The following OIT3 variants were observed in gnomAD, a reference collection of about 807,000 sequenced individuals.
The protein encoded by OIT3 is oncoprotein induced transcript 3, also known as oncoprotein-induced transcript 3 protein.
Under a neutral mutation model 52.2 loss-of-function variants are expected in OIT3, and 41 were observed. That is an observed-to-expected ratio of 0.79 (90% CI 0.61 to 1.02). OIT3 has a LOEUF of 1.02. OIT3 is among the 50% of genes least tolerant of loss of function. OIT3 has a pLI of 0.00. For missense variants in OIT3, 634 were observed against 715.5 expected, an observed-to-expected ratio of 0.89 and a Z score of 1.30; for synonymous variants, 244 against 276.9, an observed-to-expected ratio of 0.88 and a Z score of 1.18.
At chr10:72,929,694 A>G (rs2132951442) in intron 7 of OIT3, among the ~76,000 whole-genome samples, 1 of 151,522 alleles carries the variant, frequency 6.6e-6, no homozygotes, top group South Asian at 2.1e-4. Context: ...GGCAGGCACC[A>G]TGACGCCTGG....
At chr10:72,930,224 C>T (rs111721318) in intron 7 of OIT3, among the ~76,000 whole-genome samples, 2,271 of 152,262 alleles carry the variant, frequency 0.015, 58 homozygotes, top group African/African-American at 0.052. Context: ...GACAGCCTTA[C>T]TAGCAAAAGG....
rs769895887 is a variant in OIT3 at position 72,913,300 on chromosome 10, C to T, written c.791-8C>T. On this transcript the variant is annotated splice_region_variant and splice_polypyrimidine_tract_variant and intron_variant, in intron 5 of 8. Transcript: ENST00000334011. ...CCTGGCTCTAACAGTGGCCCTTTTT[C>T]TCTGCAGTCCCTGTGTTGTGCAAAT... The T allele has an allele frequency of 1.9e-6, 3 of 1,561,990 alleles. No homozygotes were observed. The highest frequency in any genetic ancestry group is 1.8e-5 in the Admixed American group (1 of 55,916).
intron 7 of OIT3, among the ~76,000 whole-genome samples, 186 bp from the exon 8 acceptor site, chr10:72,930,352 A>G (rs1257968121): frequency 1.3e-5 from 2 of 152,226 alleles, no homozygotes; most frequent in African/African-American, 2.4e-5. Context: ...CTATTAGTAA[A>G]TAAGGCTAGG....
Position 72,898,790 on chromosome 10 carries a change from C to T in OIT3, c.188C>T (p.Thr63Met), listed in dbSNP as rs867661582. The T allele has an allele frequency of 5.6e-6, 9 of 1,614,010 alleles. No homozygotes were observed. The highest frequency in any genetic ancestry group is 5.0e-5 in the Admixed American group (3 of 60,004). ...GTGAATGGGGAGTGGTACCACTTCA[C>T]GGGCATGGCGGGAGATGCCATGCCT... The part of the protein sequence containing the change: ...NHVNGEWYHF[T>M]GMAGDAMPTF... Residue 63 changes from threonine (T) to methionine (M), a missense_variant, in exon 2 of 9, where the codon ACG (threonine) becomes ATG (methionine). Coordinates refer to ENST00000334011, the MANE Select transcript of OIT3 (RefSeq NM_152635.3).
At chr10:72,917,739 A>C in intron 6 of OIT3, 1 of 1,173,188 alleles carries the variant, frequency 8.5e-7, no homozygotes, top group Non-Finnish European at 1.3e-6. Context: ...CACTTTGGGA[A>C]GAGAATCACC....
intron 8 of OIT3, among the ~76,000 whole-genome samples, chr10:72,931,251 A>C (rs567368723): frequency 2.6e-3 from 401 of 152,294 alleles, no homozygotes; most frequent in Non-Finnish European, 5.0e-3. Flanking sequence ...AAAACAAAAC[A>C]AAACAGAGGC....
intron 7 of OIT3, among the ~76,000 whole-genome samples, chr10:72,929,614 C>A (rs1022830271): frequency 1.3e-5 from 2 of 151,724 alleles, no homozygotes; most frequent in African/African-American, 4.8e-5. Context: ...GCTATGTTGC[C>A]CAGGCTAATC....
chr10:72,899,189 A>G, intron 2 of OIT3, 151 bp downstream of exon 2: 1 of 666,734 alleles, frequency 1.5e-6, no homozygotes, highest in Non-Finnish European at 2.5e-6. Context: ...GATTTCTGAG[A>G]TCTCTTCTTA....
chr10:72,917,873 T>G (rs907663732), intron 6 of OIT3: 1 of 1,285,336 alleles, frequency 7.8e-7, no homozygotes, highest in African/African-American at 1.5e-5. Flanking sequence ...GTGTTGATGA[T>G]GGTTTTGAGT....
At position 72,898,777 on chromosome 10, in the gene OIT3, T is replaced by C. The variant is rs1845899376; in HGVS notation, c.175T>C (p.Trp59Arg). The C allele has an allele frequency of 1.5e-5, 24 of 1,613,866 alleles. No homozygotes were observed. Among genetic ancestry groups the C allele is most frequent in the Non-Finnish European group, 1.9e-5 (22 of 1,179,978 alleles). Residue 59 changes from tryptophan (W) to arginine (R), a missense_variant, in exon 2 of 9, where the codon TGG becomes CGG. Physicochemically the swap from Trp to Arg is moderately radical, Grantham distance 101 (BLOSUM62 -3). Coordinates refer to ENST00000334011, the MANE Select transcript of OIT3 (RefSeq NM_152635.3). ...ATGTGACAACCATGTGAATGGGGAGTGGTACCACTTCACGGGCATGGCGGG... is the reference window on the plus strand; with the variant it reads ...ATGTGACAACCATGTGAATGGGGAGCGGTACCACTTCACGGGCATGGCGGG... ...PLCDNHVNGE[W>R]YHFTGMAGDA...
At chr10:72,918,375 T>G in intron 6 of OIT3, 1 of 771,834 alleles carries the variant, frequency 1.3e-6, no homozygotes, top group South Asian at 1.3e-5. Flanking sequence ...CAATTCGTCC[T>G]TTGCACCAGC....
Position 72,906,668 on chromosome 10 carries a change from G to GT in OIT3, c.618dup (p.Glu207Ter). On this transcript the variant is annotated frameshift_variant, in exon 4 of 9. Coordinates refer to ENST00000334011, the MANE Select transcript of OIT3 (RefSeq NM_152635.3). LOFTEE classifies it high-confidence loss of function. ...GTGAACCTCAAAAACTCCTACCGCTGTGAGTGTGGGGTTGGCCGTGTGCTA... is the reference window on the plus strand; with the variant it reads ...GTGAACCTCAAAAACTCCTACCGCTGTTGAGTGTGGGGTTGGCCGTGTGCTA... The GT allele has an allele frequency of 6.2e-7, 1 of 1,612,072 alleles. No individual in the cohort carries two copies. The highest frequency in any genetic ancestry group is 8.5e-7 in the Non-Finnish European group (1 of 1,178,990).
intron 1 of OIT3, 109 bp downstream of exon 1, chr10:72,893,968 G>C (rs575289878): frequency 1.5e-6 from 1 of 656,664 alleles, no homozygotes; most frequent in Non-Finnish European, 2.5e-6. Context: ...GCTAGCTCTA[G>C]AATCTTGTAA....
chr10:72,916,027 G>A (rs1018166107), intron 6 of OIT3, among the ~76,000 whole-genome samples: 17 of 152,124 alleles, frequency 1.1e-4, no homozygotes, highest in South Asian at 2.1e-4. Flanking sequence ...ATTGAAGGGC[G>A]GGTAAATGAA....
intron 6 of OIT3, chr10:72,917,860 T>C (rs2132941939): frequency 2.3e-6 from 3 of 1,300,528 alleles, no homozygotes; most frequent in Middle Eastern, 2.6e-4. Flanking sequence ...CCTTTTGATC[T>C]TGGTGTTGAT....
At chr10:72,914,180 C>T (rs1239681629) in intron 6 of OIT3, among the ~76,000 whole-genome samples, 1 of 152,088 alleles carries the variant, frequency 6.6e-6, no homozygotes, top group African/African-American at 2.4e-5. Context: ...ATATGCAGGC[C>T]TGTGCAGAGG....
rs1423102909 is a variant in OIT3, at chr10:72,900,282, C to G, written c.437-95C>G. 103 of 692,308 alleles carry G rather than the reference C, an allele frequency of 1.5e-4. No individual in the cohort carries two copies. In the East Asian group the frequency reaches 2.9e-3, roughly 20 times the overall value. 42.9% of individuals were successfully genotyped at this position (692,308 alleles called of 1,614,324 possible). On this transcript the variant is annotated intron_variant, in intron 2 of 8. Coordinates refer to ENST00000334011, the MANE Select transcript of OIT3 (RefSeq NM_152635.3). ...GGCCAGCCTGGGCAACATAGGGATA[C>G]CACCCCCCCCGACCCCCCGCACCAT...
chr10:72,900,674 G>T lies in OIT3; in HGVS notation c.544+190G>T, dbSNP rs572254433. ...TTGTATCATGATTAGGGACAGCAGA[G>T]AATTGTGCCCTCCACTAGGGTAGCC... On this transcript the variant is annotated intron_variant, in intron 3 of 8. Transcript: ENST00000334011. Among the ~76,000 whole-genome samples, 5 of 152,294 alleles carry T rather than the reference G, an allele frequency of 3.3e-5. No individual in the cohort carries two copies. In the South Asian group the frequency reaches 1.0e-3, roughly 32 times the overall value.
intron 6 of OIT3, among the ~76,000 whole-genome samples, chr10:72,921,746 C>T (rs1186097517): frequency 6.6e-6 from 1 of 150,878 alleles, no homozygotes; most frequent in Non-Finnish European, 1.5e-5. Flanking sequence ...GATCTCAGCA[C>T]ATGCAACCTC....
Sources: allele counts gnomAD v4.1 joint callset (sites outside exome capture counted in the v4.1 genomes callset), GRCh38; gene constraint gnomAD v4.1.1; transcripts MANE v1.5; gene names NCBI Gene and HGNC (gene_info 2026-07-23, HGNC 2026-07-21).